Variants in LSM1 observed in about 807,000 individuals in gnomAD.
The protein encoded by LSM1 is U6 snRNA-associated Sm-like protein LSm1.
Under a neutral mutation model 18.0 loss-of-function variants are expected in LSM1, and 13 were observed. That is an observed-to-expected ratio of 0.72 (90% CI 0.47 to 1.15). LSM1 has a LOEUF of 1.15. Ranked by LOEUF, LSM1 falls within the 50% of genes most tolerant of loss-of-function variation. The pLI, the probability that LSM1 is intolerant of heterozygous loss-of-function variation, is 0.00. For synonymous variants in LSM1, 46 were observed against 56.0 expected (o/e 0.82, Z 0.80); for missense variants, 152 against 157.7 (o/e 0.96, Z 0.19).
intron 1 of LSM1, among the ~76,000 whole-genome samples, chr8:38,172,980 A>G (rs918839512): frequency 6.6e-6 from 1 of 152,328 alleles, no homozygotes; most frequent in Middle Eastern, 3.4e-3. Flanking sequence ...AAAATAACCT[A>G]TTGTGATTAG....
chr8:38,170,541 T>C (rs1282287939), intron 2 of LSM1, among the ~76,000 whole-genome samples: 2 of 152,162 alleles, frequency 1.3e-5, no homozygotes, highest in Non-Finnish European at 2.9e-5. Flanking sequence ...ATAAGGAACT[T>C]GGAAAACTTG....
In LSM1 at chr8:38,164,991, C is replaced by T. The variant is rs972750015; in HGVS notation, c.232-1151G>A. ...ACGGCAACAAGTCTTCTAGGGAGAA[C>T]CTCGGCAGACCATTTAGGTTACTAA... is the stretch of plus-strand genomic sequence containing the variant. On this transcript the variant is annotated intron_variant, in intron 3 of 3. Transcript: ENST00000311351. 6.6e-5 allele frequency among the ~76,000 whole-genome samples: 10 copies of T among 152,276 alleles called. No homozygotes were observed. The South Asian group carries it at 1.7e-3, about 25-fold the overall frequency.
upstream of LSM1, chr8:38,176,710 C>T (rs933412874): frequency 1.0e-5 from 10 of 956,178 alleles, no homozygotes; most frequent in South Asian, 6.3e-5. Context: ...CGTCCCTCAG[C>T]TTTCGGGGTT....
intron 1 of LSM1, among the ~76,000 whole-genome samples, chr8:38,173,913 T>C (rs888349551): frequency 1.3e-5 from 2 of 152,162 alleles, no homozygotes; most frequent in African/African-American, 2.4e-5. Flanking sequence ...GACCATCTAT[T>C]TTGGAGAACA....
intron 3 of LSM1, among the ~76,000 whole-genome samples, chr8:38,168,532 A>G (rs1453821429): frequency 6.7e-6 from 1 of 150,162 alleles, no homozygotes; most frequent in East Asian, 2.0e-4. Context: ...CGGAAGTTGC[A>G]GTGAGCTGAG....
At chr8:38,166,515 T>C (rs1802933563) in intron 3 of LSM1, among the ~76,000 whole-genome samples, 1 of 152,234 alleles carries the variant, frequency 6.6e-6, no homozygotes, top group African/African-American at 2.4e-5. Flanking sequence ...CAGGTATTAT[T>C]TGGTGTTTTT....
chr8:38,172,324 CTTT>C (rs66755601), intron 1 of LSM1, among the ~76,000 whole-genome samples: 2 of 123,674 alleles, frequency 1.6e-5, no homozygotes, highest in African/African-American at 3.1e-5. Flanking sequence ...TTCCTTTTTT[CTTT>C]TTTTTTTTTT....
intron 1 of LSM1, among the ~76,000 whole-genome samples, chr8:38,173,968 G>C (rs1021821255): frequency 4.6e-5 from 7 of 152,194 alleles, no homozygotes; most frequent in African/African-American, 1.7e-4. Flanking sequence ...CCAGTTGTTA[G>C]AGAAATCAAG....
chr8:38,163,447 T>G lies in LSM1; in HGVS notation c.*223A>C, dbSNP rs1181890525. On this transcript the variant is annotated 3_prime_UTR_variant, in exon 4 of 4. Coordinates refer to ENST00000311351, the MANE Select transcript of LSM1 (RefSeq NM_014462.3). ...AGTAGTTGCTGGTGCCACAGTGATGTGTGAAGGAGTCTATGCCACTGTTTC... is the reference window on the plus strand; with the variant it reads ...AGTAGTTGCTGGTGCCACAGTGATGGGTGAAGGAGTCTATGCCACTGTTTC... 5 of 438,496 alleles carry G rather than the reference T, an allele frequency of 1.1e-5. No individual in the cohort carries two copies. The East Asian group carries it at 1.7e-4, about 15-fold the overall frequency. 27.2% of individuals were successfully genotyped at this position (438,496 alleles called of 1,614,324 possible). A position where few individuals can be genotyped will look rare whatever the true frequency, so the allele number is the denominator to read the frequency against.
Position 38,176,278 on chromosome 8 carries a change from C to A in LSM1, c.43G>T (p.Asp15Tyr). 1.9e-6 allele frequency: 3 copies of A among 1,613,666 alleles called. No individual in the cohort carries two copies. The highest frequency in any genetic ancestry group is 1.1e-5 in the South Asian group (1 of 90,926). Residue 15 changes from aspartate (D) to tyrosine (Y), a missense_variant, in exon 1 of 4, where the codon GAC becomes TAC. Transcript: ENST00000311351. ...CGGGAGGAGATAAACTACTCACTGT[C>A]AATGTCCTCGATGAGGCTGGCGGTG... Reference protein sequence around the residue: ...PGTASLIEDIDKKHLVLLRDG... With the variant: ...PGTASLIEDIYKKHLVLLRDG...
chr8:38,169,777 C>T (rs757072391), intron 3 of LSM1, 25 bp downstream of exon 3: 18 of 1,303,322 alleles, frequency 1.4e-5, no homozygotes, highest in Non-Finnish European at 2.0e-5. Context: ...TGAAGATCTA[C>T]AGCAGCTTAA....
intron 1 of LSM1, among the ~76,000 whole-genome samples, chr8:38,173,767 CAGTA>C (rs1803069112): frequency 6.6e-6 from 1 of 152,150 alleles, no homozygotes; most frequent in South Asian, 2.1e-4. Context: ...TAGTTGGAAA[CAGTA>C]AGACTGGAAA....
Position 38,163,696 on chromosome 8 carries a change from G to C in LSM1, c.376C>G (p.Arg126Gly), listed in dbSNP as rs961755643. 1.2e-6 allele frequency: 2 copies of C among 1,614,158 alleles called. No individual in the cohort carries two copies. Among genetic ancestry groups the C allele is most frequent in the Non-Finnish European group, 1.7e-6 (2 of 1,180,042 alleles). ...TAGTACTCATCAAGAGTATCTGCTC[G>C]AGGAATGGAAAGACCTCGGTCCTTC... Reference protein sequence around the residue: ...ALKDRGLSIPRADTLDEY With the variant: ...ALKDRGLSIPGADTLDEY Residue 126 changes from arginine to glycine, a missense_variant, in exon 4 of 4, where the codon CGA becomes GGA. Coordinates refer to ENST00000311351, the MANE Select transcript of LSM1 (RefSeq NM_014462.3).
At chr8:38,164,827 G>A (rs1398372161) in intron 3 of LSM1, among the ~76,000 whole-genome samples, 3 of 151,950 alleles carry the variant, frequency 2.0e-5, no homozygotes. Context: ...CAGCAAGACC[G>A]TCTCAAAAAA....
At chr8:38,164,868 C>T (rs1345837023) in intron 3 of LSM1, among the ~76,000 whole-genome samples, 1 of 152,108 alleles carries the variant, frequency 6.6e-6, no homozygotes, top group African/African-American at 2.4e-5. Flanking sequence ...AAGGGATCCT[C>T]TTGCCTTTAC....
chr8:38,176,290 T>G lies in LSM1; in HGVS notation c.31A>C (p.Ile11Leu). 6.2e-7 allele frequency: 1 copy of G among 1,613,740 alleles called. No homozygotes were observed. The highest frequency in any genetic ancestry group is 8.5e-7 in the Non-Finnish European group (1 of 1,179,830). Residue 11 changes from isoleucine (I) to leucine (L), a missense_variant, in exon 1 of 4, where the codon ATC becomes CTC. Coordinates refer to ENST00000311351, the MANE Select transcript of LSM1 (RefSeq NM_014462.3). MNYMPGTASL[I>L]EDIDKKHLVL... ...AACTACTCACTGTCAATGTCCTCGATGAGGCTGGCGGTGCCAGGCATATAG... is the reference window on the plus strand; with the variant it reads ...AACTACTCACTGTCAATGTCCTCGAGGAGGCTGGCGGTGCCAGGCATATAG...
intron 3 of LSM1, among the ~76,000 whole-genome samples, chr8:38,167,054 A>C (rs1802943288): frequency 6.6e-6 from 1 of 152,186 alleles, no homozygotes; most frequent in African/African-American, 2.4e-5. Flanking sequence ...GTTGGTACAT[A>C]ATTTCTCCTG....
Position 38,176,450 on chromosome 8 carries a change from C to A in LSM1, c.-130G>T. 1.4e-6 allele frequency: 1 copy of A among 728,856 alleles called. No individual in the cohort carries two copies. The highest frequency in any genetic ancestry group is 2.3e-6 in the Non-Finnish European group (1 of 437,322). The allele number at this position is 728,856 out of a possible 1,614,324, so 45.1% of individuals were successfully genotyped here. On this transcript the variant is annotated 5_prime_UTR_variant, in exon 1 of 4. Transcript: ENST00000311351. ...TCCCGACCGAGACCAGCACTTCTGC[C>A]CCGGCTTTCAGCCGCCGGGGGCTGC...
Position 38,163,516 on chromosome 8 carries a change from G to A in LSM1, c.*154C>T, listed in dbSNP as rs1404116011. On this transcript the variant is annotated 3_prime_UTR_variant, in exon 4 of 4. Transcript: ENST00000311351. ...TATTAAAAAAAAAACCCACCTACAC[G>A]ATTTCTTCATGTTGCATATGTAAAA... 4 of 618,864 alleles carry A rather than the reference G, an allele frequency of 6.5e-6. No individual in the cohort carries two copies. Among genetic ancestry groups the A allele is most frequent in the Admixed American group, 6.3e-5 (2 of 31,760 alleles). 38.3% of individuals were successfully genotyped at this position (618,864 alleles called of 1,614,324 possible). A position where few individuals can be genotyped will look rare whatever the true frequency, so the allele number is the denominator to read the frequency against.
Sources: gnomAD v4.1 joint callset for allele counts (sites outside exome capture counted in the v4.1 genomes callset) on GRCh38, gnomAD v4.1.1 for gene constraint, MANE v1.5 for transcripts, NCBI Gene and HGNC (gene_info 2026-07-23, HGNC 2026-07-21) for gene names.